Variants in UGGT1 observed in about 807,000 individuals in gnomAD.
The protein encoded by UGGT1 is UDP-glucose glycoprotein glucosyltransferase 1, also known as UDP-glucose:glycoprotein glucosyltransferase 1.
Under a neutral mutation model 203.9 loss-of-function variants are expected in UGGT1, and 107 were observed. The ratio of observed to expected loss-of-function variants is 0.52; its 90% CI spans 0.45 to 0.62. The LOEUF is 0.62. Ranked by LOEUF, UGGT1 falls within the 20% of genes least tolerant of loss-of-function variation. UGGT1 has a pLI of 0.00. For synonymous variants in UGGT1, 628 were observed against 653.5 expected, an observed-to-expected ratio of 0.96 and a Z score of 0.59; for missense variants, 1,673 against 1,867.2, an observed-to-expected ratio of 0.90 and a Z score of 1.92.
At chr2:128,110,835 G>T (rs1443339438) in intron 5 of UGGT1, among the ~76,000 whole-genome samples, 1 of 152,028 alleles carries the variant, frequency 6.6e-6, no homozygotes, top group South Asian at 2.1e-4. Flanking sequence ...AGACTGTCCC[G>T]TAATTGGTAA....
chr2:128,153,380 A>G (rs1573581998), intron 19 of UGGT1, among the ~76,000 whole-genome samples: 1 of 152,150 alleles, frequency 6.6e-6, no homozygotes, highest in Non-Finnish European at 1.5e-5. Flanking sequence ...CTTTTAAAGT[A>G]TACAATTCAA....
At chr2:128,159,413 G>A (rs987887227) in intron 22 of UGGT1, 101 bp from the exon 23 acceptor site, 10 of 1,132,920 alleles carry the variant, frequency 8.8e-6, no homozygotes, top group Non-Finnish European at 1.2e-5. Flanking sequence ...ACTTTTAAGA[G>A]AGATATTATT....
intron 13 of UGGT1, among the ~76,000 whole-genome samples, chr2:128,130,865 A>G (rs893430215): frequency 1.3e-5 from 2 of 152,108 alleles, no homozygotes; most frequent in Non-Finnish European, 2.9e-5. Context: ...CGGTCAAGCA[A>G]TCCTCTTGCT....
intron 5 of UGGT1, among the ~76,000 whole-genome samples, chr2:128,111,092 C>G (rs1687824308): frequency 6.6e-6 from 1 of 152,170 alleles, no homozygotes; most frequent in South Asian, 2.1e-4. Context: ...GGGGCACAAG[C>G]CTGTAGTCCC....
intron 17 of UGGT1, among the ~76,000 whole-genome samples, chr2:128,143,620 GAA>G (rs1689542971): frequency 6.6e-6 from 1 of 152,162 alleles, no homozygotes; most frequent in Non-Finnish European, 1.5e-5. Context: ...TGATTGTGCT[GAA>G]AAATTGAATG....
At chr2:128,119,619 T>G (rs909156529) in intron 8 of UGGT1, among the ~76,000 whole-genome samples, 1 of 152,218 alleles carries the variant, frequency 6.6e-6, no homozygotes, top group Non-Finnish European at 1.5e-5. Flanking sequence ...TTCATGTTAC[T>G]AAGAGATTTA....
chr2:128,145,419 T>C (rs1689633835), intron 17 of UGGT1, among the ~76,000 whole-genome samples: 1 of 152,170 alleles, frequency 6.6e-6, no homozygotes, highest in Non-Finnish European at 1.5e-5. Context: ...AATATTTCCA[T>C]CATTGCAGAA....
At chr2:128,132,059 G>A (rs986773868) in intron 13 of UGGT1, among the ~76,000 whole-genome samples, 2 of 151,902 alleles carry the variant, frequency 1.3e-5, no homozygotes, top group Non-Finnish European at 2.9e-5. Context: ...TCCTATTCTT[G>A]GTCTTGACAA....
intron 11 of UGGT1, among the ~76,000 whole-genome samples, chr2:128,124,511 G>C (rs548656255): frequency 6.6e-6 from 1 of 152,056 alleles, no homozygotes; most frequent in South Asian, 2.1e-4. Flanking sequence ...TTAAAATCTT[G>C]AAAATCATTT....
intron 12 of UGGT1, among the ~76,000 whole-genome samples, chr2:128,128,426 C>T (rs1688711663): frequency 6.6e-6 from 1 of 151,914 alleles, no homozygotes; most frequent in Non-Finnish European, 1.5e-5. Context: ...ATTCTCCTGC[C>T]TCACCCTTCT....
chr2:128,176,288 C>T (rs575016489), intron 31 of UGGT1, among the ~76,000 whole-genome samples: 1 of 152,034 alleles, frequency 6.6e-6, no homozygotes, highest in East Asian at 1.9e-4. Flanking sequence ...TGGTGGGTGC[C>T]TGTAAACTCA....
chr2:128,156,540 A>T, intron 21 of UGGT1, 125 bp downstream of exon 21: 1 of 657,144 alleles, frequency 1.5e-6, no homozygotes, highest in Non-Finnish European at 2.5e-6. Flanking sequence ...ACAGGAAGCT[A>T]TATCAATGTA....
At chr2:128,138,155 A>G (rs1202588044) in intron 15 of UGGT1, among the ~76,000 whole-genome samples, 3 of 152,200 alleles carry the variant, frequency 2.0e-5, no homozygotes, top group Non-Finnish European at 2.9e-5. Flanking sequence ...GAATCTTTTC[A>G]TGACGTGGAA....
intron 11 of UGGT1, among the ~76,000 whole-genome samples, chr2:128,127,132 G>A (rs376544190): frequency 9.2e-5 from 14 of 151,874 alleles, no homozygotes; most frequent in Non-Finnish European, 1.6e-4. Flanking sequence ...TTTTAAAATC[G>A]AGAAGTAAAA....
chr2:128,155,363 G>A, intron 19 of UGGT1, 126 bp from the exon 20 acceptor site: 1 of 688,926 alleles, frequency 1.5e-6, no homozygotes, highest in Non-Finnish European at 2.4e-6. Context: ...AGTAAACATG[G>A]AACTTAATAT....
intron 2 of UGGT1, among the ~76,000 whole-genome samples, chr2:128,101,755 G>T (rs1335334734): frequency 6.6e-6 from 1 of 152,164 alleles, no homozygotes; most frequent in Non-Finnish European, 1.5e-5. Flanking sequence ...AATATGCCAA[G>T]CTTAGTGACT....
Position 128,159,740 on chromosome 2 carries a change from A to T in UGGT1, c.2562+20A>T. On this transcript the variant is annotated intron_variant, in intron 23 of 40. Transcript: ENST00000259253. ...GTTGGGGTAAGGCTCTGAGCCTCTC[A>T]TGAGGCTGCCCCATTTTGTCTGCCA... 6.2e-7 allele frequency: 1 copy of T among 1,608,952 alleles called. No individual in the cohort carries two copies. Among genetic ancestry groups the T allele is most frequent in the Non-Finnish European group, 8.5e-7 (1 of 1,176,468 alleles).
At position 128,145,900 on chromosome 2, in the gene UGGT1, A is replaced by G; in HGVS notation, c.1949A>G (p.Glu650Gly). Reference protein sequence around the residue: ...PFEREQLDPDELETITMHKIL... With the variant: ...PFEREQLDPDGLETITMHKIL... ...GAAAGGGAACAGCTAGACCCTGATG[A>G]GTTAGAAACCATCACAATGCATAAA... The change falls in exon 18 of 41, where the codon GAG (glutamate) becomes GGG (glycine). Residue 650 changes from glutamate to glycine, a missense_variant. This residue lies in a region of UGGT1 where 1,073 missense variants were observed against 1,078.7 expected (regional missense o/e 0.99). Coordinates refer to ENST00000259253, the MANE Select transcript of UGGT1 (RefSeq NM_020120.4). 6.2e-7 allele frequency: 1 copy of G among 1,614,162 alleles called. No homozygotes were observed. The highest frequency in any genetic ancestry group is 8.5e-7 in the Non-Finnish European group (1 of 1,180,004).
intron 18 of UGGT1, among the ~76,000 whole-genome samples, chr2:128,147,022 C>A (rs973497953): frequency 6.6e-6 from 1 of 152,178 alleles, no homozygotes; most frequent in East Asian, 1.9e-4. Flanking sequence ...CATGTGTGTC[C>A]TAAGGGGCTC....
Sources: allele counts gnomAD v4.1 joint callset (sites outside exome capture counted in the v4.1 genomes callset), GRCh38; gene constraint gnomAD v4.1.1; regional missense constraint gnomAD v4.1.1; transcripts MANE v1.5; gene names NCBI Gene and HGNC (gene_info 2026-07-23, HGNC 2026-07-21).